Variants in BLZF1 observed in about 807,000 individuals in gnomAD.
BLZF1 encodes golgin-45.
Under a neutral mutation model 43.8 loss-of-function variants are expected in BLZF1, and 39 were observed. The ratio of observed to expected loss-of-function variants is 0.89; its 90% confidence interval spans 0.69 to 1.16. The LOEUF (loss-of-function observed/expected upper bound fraction) is 1.16. Ranked by LOEUF, BLZF1 falls within the 50% of genes most tolerant of loss-of-function variation. The pLI is 0.00. For missense variants in BLZF1, 449 were observed against 469.8 expected (o/e 0.96, Z 0.41); for synonymous variants, 136 against 159.4 (o/e 0.85, Z 1.11).
At chr1:169,383,330 C>T (rs1654579334) in intron 6 of BLZF1, among the ~76,000 whole-genome samples, 1 of 152,150 alleles carries the variant, frequency 6.6e-6, no homozygotes, top group South Asian at 2.1e-4. Flanking sequence ...CCCCTCTAGG[C>T]CCTGGCTTCA....
At chr1:169,390,779 C>A (rs911750204), downstream of BLZF1, among the ~76,000 whole-genome samples, 1 of 152,114 alleles carries the variant, frequency 6.6e-6, no homozygotes, top group Admixed American at 6.5e-5. Context: ...GCTTCTGTTG[C>A]AATAGCTATT....
intron 3 of BLZF1, 142 bp from the exon 4 acceptor site, chr1:169,378,181 CTTAAATA>C (rs1277133917): frequency 7.1e-5 from 48 of 678,834 alleles, no homozygotes; most frequent in East Asian, 5.4e-4. Context: ...TCGTATGGAA[CTTAAATA>C]TTTAATTTTA....
Position 169,369,549 on chromosome 1 carries a change from AG to A in BLZF1, c.28+1del, listed in dbSNP as rs1176732163. MTTKNLETK[V>X]TVTSSPIRGA... Reference sequence around the variant, plus strand: ...TGACTACTAAAAATTTAGAAACCAAAGGTAAGTGGCTTTTTTATAATTGTTT... The same window carrying A: ...TGACTACTAAAAATTTAGAAACCAAAGTAAGTGGCTTTTTTATAATTGTTT... On this transcript the variant is annotated frameshift_variant and splice_region_variant, in exon 2 of 7. Transcript: ENST00000367808. LOFTEE classifies it high-confidence loss of function. The A allele has an allele frequency of 1.9e-6, 3 of 1,607,290 alleles. No individual in the cohort carries two copies. The highest frequency in any genetic ancestry group is 1.7e-6 in the Non-Finnish European group (2 of 1,175,334).
chr1:169,391,896 C>CCCG, downstream of BLZF1, among the ~76,000 whole-genome samples: 3 of 152,114 alleles, frequency 2.0e-5, no homozygotes, highest in South Asian at 2.1e-4. Flanking sequence ...TCTTCAGACC[C>CCCG]ACAATAAAAC....
chr1:169,383,414 TA>T lies in BLZF1; in HGVS notation c.1017+1139del, dbSNP rs368158834. The stretch of plus-strand genomic sequence containing the variant: ...AGAACATGTCCAAGCATCATTCATC[TA>T]AAAAAGAAAAATCTTCCCTCTATTG... On this transcript the variant is annotated intron_variant, in intron 6 of 6. Transcript: ENST00000367808. Among the ~76,000 whole-genome samples, 289 of 152,252 alleles carry T rather than the reference TA, an allele frequency of 1.9e-3. 2 individuals are homozygous for T. Among genetic ancestry groups the T allele is most frequent in the African/African-American group, 6.8e-3 (283 of 41,564 alleles).
intron 5 of BLZF1, among the ~76,000 whole-genome samples, chr1:169,381,312 C>G (rs1199913268): frequency 6.6e-6 from 1 of 151,956 alleles, no homozygotes. Context: ...CCATGAAAGA[C>G]AAACTACCAA....
chr1:169,375,155 A>G (rs72637232), intron 2 of BLZF1, among the ~76,000 whole-genome samples: 11,287 of 151,516 alleles, frequency 0.074, 1,532 homozygotes, highest in East Asian at 0.66. Flanking sequence ...GAAAAATTGT[A>G]AAGAGTCTAA....
chr1:169,378,146 G>A (rs1654421029), intron 3 of BLZF1, among the ~76,000 whole-genome samples, 184 bp from the exon 4 acceptor site: 1 of 151,858 alleles, frequency 6.6e-6, no homozygotes, highest in South Asian at 2.1e-4. Context: ...TGTATGGAGA[G>A]AAGTAGAGAG....
intron 6 of BLZF1, among the ~76,000 whole-genome samples, chr1:169,385,970 C>G (rs147843387): frequency 1.3e-5 from 2 of 152,294 alleles, no homozygotes; most frequent in South Asian, 2.1e-4. Context: ...TGCTTGCTAC[C>G]TTTGTACCAT....
chr1:169,395,997 T>G (rs1250318740), exon 8 of BLZF1: 1 of 152,112 alleles, frequency 6.6e-6, no homozygotes, highest in Non-Finnish European at 1.5e-5. Context: ...GCAAATAAAC[T>G]GTAAGTCATT....
At chr1:169,386,869 A>G in intron 6 of BLZF1, 128 bp from the exon 7 acceptor site, 1 of 615,160 alleles carries the variant, frequency 1.6e-6, no homozygotes, top group South Asian at 2.5e-5. Flanking sequence ...CAGATTAGTC[A>G]TTCTGTTTTT....
rs1014554867 is a variant in BLZF1, at chr1:169,376,393, G to A, written c.29-147G>A. The stretch of plus-strand genomic sequence containing the variant: ...AAACATGTATCTTTTGTTGACACAT[G>A]ATTGTTTTGAAAATTACTTTTTCTC... On this transcript the variant is annotated intron_variant, in intron 2 of 6. Transcript: ENST00000367808. 3.1e-5 allele frequency: 20 copies of A among 643,900 alleles called. No individual in the cohort carries two copies. In the Admixed American group the frequency reaches 5.0e-4, roughly 16 times the overall value. The allele number at this position is 643,900 out of a possible 1,614,324, so 39.9% of individuals were successfully genotyped here.
At chr1:169,390,902 C>T (rs1209458861), downstream of BLZF1, among the ~76,000 whole-genome samples, 1 of 152,202 alleles carries the variant, frequency 6.6e-6, no homozygotes, top group Non-Finnish European at 1.5e-5. Context: ...AGCATGCACA[C>T]ATGCACACAT....
At chr1:169,380,896 G>A (rs1002576626) in intron 5 of BLZF1, among the ~76,000 whole-genome samples, 1 of 152,008 alleles carries the variant, frequency 6.6e-6, no homozygotes, top group African/African-American at 2.4e-5. Flanking sequence ...AGTTGTAGTC[G>A]TACAGTTTTC....
chr1:169,380,749 C>T, intron 5 of BLZF1, 140 bp downstream of exon 5: 1 of 913,866 alleles, frequency 1.1e-6, no homozygotes, highest in Non-Finnish European at 1.6e-6. Context: ...CTTTTAGTAG[C>T]ATTTTAAAAT....
intron 6 of BLZF1, among the ~76,000 whole-genome samples, chr1:169,382,551 C>T (rs1654556710): frequency 1.3e-5 from 2 of 152,172 alleles, no homozygotes; most frequent in Non-Finnish European, 2.9e-5. Context: ...TAATCCTTTT[C>T]ATGAGTTCAT....
chr1:169,371,329 G>T (rs994315393), intron 2 of BLZF1, among the ~76,000 whole-genome samples: 10 of 152,132 alleles, frequency 6.6e-5, no homozygotes, highest in African/African-American at 2.4e-4. Flanking sequence ...AGAAGTACTG[G>T]CAAGTTCTCT....
At chr1:169,395,790 T>C (rs1449878516) in intron 7 of BLZF1, 1 of 151,938 alleles carries the variant, frequency 6.6e-6, no homozygotes, top group African/African-American at 2.4e-5. Context: ...TAACTGCATA[T>C]ACATATATAC....
intron 1 of BLZF1, among the ~76,000 whole-genome samples, chr1:169,368,917 G>A (rs1388455267): frequency 1.3e-5 from 2 of 152,072 alleles, no homozygotes; most frequent in African/African-American, 2.4e-5. Context: ...GTAAGACAAT[G>A]TATACATTTC....
Sources: allele counts gnomAD v4.1 joint callset (sites outside exome capture counted in the v4.1 genomes callset), GRCh38; gene constraint gnomAD v4.1.1; transcripts MANE v1.5; gene names NCBI Gene and HGNC (gene_info 2026-07-23, HGNC 2026-07-21).